Variants in C12orf54 observed in about 807,000 individuals in gnomAD.
The protein encoded by C12orf54 is chromosome 12 open reading frame 54, also known as uncharacterized protein C12orf54.
C12orf54 carries 24 observed loss-of-function variants against 26.4 expected under a neutral mutation model. The observed-to-expected ratio is 0.91, with a 90% CI of 0.66 to 1.28. The LOEUF is 1.28. Ranked by LOEUF, C12orf54 falls within the 50% of genes most tolerant of loss-of-function variation. The probability of loss-of-function intolerance (pLI) is 0.00; values close to 1 mark genes in which losing one functional copy is unlikely to be tolerated. For missense variants in C12orf54, 154 were observed against 150.9 expected, an observed-to-expected ratio of 1.02 and a Z score of -0.11; for synonymous variants, 54 against 47.0, an observed-to-expected ratio of 1.15 and a Z score of -0.61.
the C12orf54 span, among the ~76,000 whole-genome samples, chr12:48,450,676 C>A: frequency 6.6e-6 from 1 of 152,136 alleles, no homozygotes; most frequent in Admixed American, 6.5e-5. Context: ...ATACAAACAA[C>A]TATCAGAGAA....
At chr12:48,480,836 G>T (rs961023539), upstream of C12orf54, among the ~76,000 whole-genome samples, 4 of 152,264 alleles carry the variant, frequency 2.6e-5, no homozygotes, top group Non-Finnish European at 2.9e-5. Context: ...ATGGGATAAA[G>T]TGTGGTACAT....
the C12orf54 span, among the ~76,000 whole-genome samples, chr12:48,468,243 A>T: frequency 5.3e-5 from 8 of 152,126 alleles, no homozygotes; most frequent in Non-Finnish European, 7.4e-5. Context: ...TTATAAGAAG[A>T]TCTCTCTGAG....
At chr12:48,436,979 A>G in the C12orf54 span, among the ~76,000 whole-genome samples, 1 of 151,924 alleles carries the variant, frequency 6.6e-6, no homozygotes, top group Non-Finnish European at 1.5e-5. Context: ...TTGTTTTTTG[A>G]AAAGATCAAC....
the C12orf54 span, among the ~76,000 whole-genome samples, chr12:48,434,035 G>T: frequency 2.0e-5 from 3 of 152,160 alleles, no homozygotes; most frequent in African/African-American, 7.2e-5. Context: ...GTGACAGATG[G>T]CACCTGGAAA....
the C12orf54 span, among the ~76,000 whole-genome samples, chr12:48,472,321 G>A: frequency 1.3e-5 from 2 of 152,112 alleles, no homozygotes; most frequent in African/African-American, 4.8e-5. Context: ...TAGTTAGGAG[G>A]CTTTGACAAC....
the C12orf54 span, among the ~76,000 whole-genome samples, chr12:48,465,316 T>A: frequency 8.9e-4 from 135 of 152,190 alleles, no homozygotes; most frequent in African/African-American, 2.9e-3. Context: ...GAAAAAAAGC[T>A]GAACATCACT....
At chr12:48,481,105 G>C (rs1005294713), upstream of C12orf54, among the ~76,000 whole-genome samples, 3 of 152,110 alleles carry the variant, frequency 2.0e-5, no homozygotes, top group African/African-American at 4.8e-5. Context: ...TATGCTCACT[G>C]TCTGGGTGAC....
the C12orf54 span, among the ~76,000 whole-genome samples, chr12:48,440,974 G>A: frequency 6.6e-6 from 1 of 152,162 alleles, no homozygotes; most frequent in African/African-American, 2.4e-5. Flanking sequence ...GTGTATCAAG[G>A]TGGTAAAGAA....
chr12:48,449,851 G>A, the C12orf54 span, among the ~76,000 whole-genome samples: 3 of 152,052 alleles, frequency 2.0e-5, no homozygotes, highest in Non-Finnish European at 4.4e-5. Context: ...AACTTGAATT[G>A]TATCTCCTGG....
the C12orf54 span, among the ~76,000 whole-genome samples, chr12:48,433,604 C>G: frequency 6.6e-6 from 1 of 152,092 alleles, no homozygotes; most frequent in Non-Finnish European, 1.5e-5. Context: ...CCCACCACCA[C>G]CCCTGGCTAA....
the C12orf54 span, among the ~76,000 whole-genome samples, chr12:48,426,312 A>G: frequency 1.3e-5 from 2 of 151,990 alleles, no homozygotes; most frequent in African/African-American, 4.8e-5. Flanking sequence ...TAGCTAGCCA[A>G]TTACCCCAGC....
At chr12:48,491,606 C>T (rs1485104949) in intron 6 of C12orf54, among the ~76,000 whole-genome samples, 1 of 151,914 alleles carries the variant, frequency 6.6e-6, no homozygotes, top group East Asian at 1.9e-4. Context: ...GGAACAGCTT[C>T]CCAAGGCTGG....
rs111417930 is a variant in C12orf54 at position 48,485,281 on chromosome 12, GGTTTTGTTTT to G, written c.66-877_66-868del. Among the ~76,000 whole-genome samples, 55 of 151,140 alleles carry G rather than the reference GGTTTTGTTTT, an allele frequency of 3.6e-4. 1 individual carries two copies. Among genetic ancestry groups the G allele is most frequent in the South Asian group, 1.5e-3 (7 of 4,762 alleles). ...TGTTTCTGCTGTTTTGTTTGTTGTT[GGTTTTGTTTT>G]GTTTTGTTTTGTTTTGTTTGTAGAG... On this transcript the variant is annotated intron_variant, in intron 2 of 8. Transcript: ENST00000548364.
At chr12:48,474,968 CCT>C in the C12orf54 span, among the ~76,000 whole-genome samples, 1 of 152,218 alleles carries the variant, frequency 6.6e-6, no homozygotes, top group Admixed American at 6.5e-5. Flanking sequence ...GCCCCTGACC[CCT>C]GAGTAGCCTA....
chr12:48,435,683 AT>A, the C12orf54 span, among the ~76,000 whole-genome samples: 241 of 152,330 alleles, frequency 1.6e-3, no homozygotes, highest in African/African-American at 5.4e-3. Flanking sequence ...TGAAGGAGAA[AT>A]AAAATCCTTT....
At chr12:48,416,560 G>T in the C12orf54 span, among the ~76,000 whole-genome samples, 26 of 152,172 alleles carry the variant, frequency 1.7e-4, no homozygotes, top group Admixed American at 9.8e-4. Flanking sequence ...CCTTTAAGAG[G>T]CAATTAGTCC....
At chr12:48,435,678 G>A in the C12orf54 span, among the ~76,000 whole-genome samples, 1 of 152,100 alleles carries the variant, frequency 6.6e-6, no homozygotes, top group African/African-American at 2.4e-5. Context: ...ATAAGTGAAG[G>A]AGAAATAAAA....
the C12orf54 span, among the ~76,000 whole-genome samples, chr12:48,416,276 A>G: frequency 6.6e-6 from 1 of 152,178 alleles, no homozygotes; most frequent in African/African-American, 2.4e-5. Flanking sequence ...TCCTGACATC[A>G]TGGTCTAAAA....
chr12:48,488,376 G>T, intron 4 of C12orf54: 1 of 497,966 alleles, frequency 2.0e-6, no homozygotes. Flanking sequence ...GGCTGGGGCT[G>T]GGTCAGCAAC....
Sources: gnomAD v4.1 joint callset for allele counts (sites outside exome capture counted in the v4.1 genomes callset) on GRCh38, gnomAD v4.1.1 for gene constraint, MANE v1.5 for transcripts, NCBI Gene and HGNC (gene_info 2026-07-23, HGNC 2026-07-21) for gene names.